Variants in OSBPL6 observed in about 807,000 individuals in gnomAD.
OSBPL6 encodes the protein oxysterol-binding protein-related protein 6.
OSBPL6 carries 49 observed loss-of-function variants against 125.8 expected under a neutral mutation model. The observed-to-expected ratio is 0.39, with a 90% CI of 0.31 to 0.49. The LOEUF (loss-of-function observed/expected upper bound fraction) is 0.49, where lower values mean the gene tolerates loss of function less well. Ranked by LOEUF, OSBPL6 falls within the 20% of genes least tolerant of loss-of-function variation. The probability of loss-of-function intolerance (pLI) is 0.88; values close to 1 mark genes in which losing one functional copy is unlikely to be tolerated. For missense variants in OSBPL6, 986 were observed against 1,135.4 expected (o/e 0.87, Z 1.89); for synonymous variants, 394 against 391.8 (o/e 1.01, Z -0.07).
chr2:178,379,241 G>C (rs1694181265), intron 15 of OSBPL6, among the ~76,000 whole-genome samples: 1 of 148,730 alleles, frequency 6.7e-6, no homozygotes, highest in Admixed American at 6.8e-5. Flanking sequence ...GAAAGAAAGA[G>C]AGAGAGAGAG....
chr2:178,238,571 A>T (rs2153986976), intron 1 of OSBPL6, among the ~76,000 whole-genome samples: 1 of 152,356 alleles, frequency 6.6e-6, no homozygotes, highest in Non-Finnish European at 1.5e-5. Flanking sequence ...AGCTGTGGTA[A>T]GAACGAATCT....
intron 2 of OSBPL6, among the ~76,000 whole-genome samples, chr2:178,299,709 A>C (rs1686105853): frequency 6.6e-6 from 1 of 152,232 alleles, no homozygotes; most frequent in South Asian, 2.1e-4. Flanking sequence ...GAGAGTAATA[A>C]GTGTTTTACA....
intron 4 of OSBPL6, among the ~76,000 whole-genome samples, chr2:178,325,652 AC>A (rs1688637576): frequency 6.6e-6 from 1 of 152,242 alleles, no homozygotes; most frequent in Non-Finnish European, 1.5e-5. Flanking sequence ...TTGAGCACCT[AC>A]TTTACGCCAG....
intron 1 of OSBPL6, among the ~76,000 whole-genome samples, chr2:178,197,696 T>C (rs2088987194): frequency 6.6e-6 from 1 of 152,194 alleles, no homozygotes; most frequent in African/African-American, 2.4e-5. Flanking sequence ...TTTCAAATTA[T>C]CTTATTACAC....
At chr2:178,259,306 G>A (rs945116464) in intron 1 of OSBPL6, among the ~76,000 whole-genome samples, 8 of 152,200 alleles carry the variant, frequency 5.3e-5, no homozygotes, top group Non-Finnish European at 8.8e-5. Flanking sequence ...ATCAAATTCC[G>A]TTTGAGATTG....
intron 13 of OSBPL6, among the ~76,000 whole-genome samples, chr2:178,366,334 CTGT>C (rs1269413159): frequency 2.6e-5 from 4 of 152,194 alleles, no homozygotes; most frequent in Non-Finnish European, 4.4e-5. Context: ...CATTTTATCA[CTGT>C]TATTAGTTTG....
intron 3 of OSBPL6, among the ~76,000 whole-genome samples, chr2:178,322,679 G>C (rs73032548): frequency 6.6e-6 from 1 of 151,946 alleles, no homozygotes; most frequent in Admixed American, 6.6e-5. Flanking sequence ...TAAATAGTGA[G>C]GGAGAAACTT....
At chr2:178,374,447 T>C (rs992504217) in intron 15 of OSBPL6, among the ~76,000 whole-genome samples, 1 of 152,206 alleles carries the variant, frequency 6.6e-6, no homozygotes, top group Non-Finnish European at 1.5e-5. Flanking sequence ...GGGACATGAA[T>C]TTAAACTTGG....
At chr2:178,330,022 A>G (rs936615877) in intron 5 of OSBPL6, among the ~76,000 whole-genome samples, 1 of 152,160 alleles carries the variant, frequency 6.6e-6, no homozygotes, top group Admixed American at 6.5e-5. Context: ...TCCTGAACCC[A>G]TAATATTATC....
At position 178,387,050 on chromosome 2, in the gene OSBPL6, A is replaced by G. The variant is rs371246112; in HGVS notation, c.2078-11A>G. On this transcript the variant is annotated splice_polypyrimidine_tract_variant and intron_variant, in intron 19 of 24. Transcript: ENST00000190611. ...GGTATGTATTTCTTGTCCTCTCCCTATGTCATTTAGATATCAGATGGAAAA... is the reference window on the plus strand; with the variant it reads ...GGTATGTATTTCTTGTCCTCTCCCTGTGTCATTTAGATATCAGATGGAAAA... 5.7e-6 allele frequency: 9 copies of G among 1,573,898 alleles called. No individual in the cohort carries two copies. Among genetic ancestry groups the G allele is most frequent in the Middle Eastern group, 1.7e-4 (1 of 5,984 alleles).
intron 2 of OSBPL6, among the ~76,000 whole-genome samples, chr2:178,300,040 A>G (rs1686139262): frequency 6.6e-6 from 1 of 152,246 alleles, no homozygotes; most frequent in South Asian, 2.1e-4. Flanking sequence ...CCCAAACACT[A>G]GCTTCAAACA....
Position 178,339,073 on chromosome 2 carries a change from A to C in OSBPL6, c.873A>C (p.Ala291=), listed in dbSNP as rs141584653. ...NLEILQRTQS[A]PNFTDMQANC... is the part of the protein sequence containing the mutation. ...AAATACTTCAGAGAACTCAGTCGGC[A>C]CCTAACTTTACTGACATGCAGGTAA... The change falls in exon 10 of 25, where the codon GCA becomes GCC. Residue 291 remains alanine, a synonymous_variant. Coordinates refer to ENST00000190611, the MANE Select transcript of OSBPL6 (RefSeq NM_032523.4). 2 of 1,607,950 alleles carry C rather than the reference A, an allele frequency of 1.2e-6. No homozygotes were observed. The highest frequency in any genetic ancestry group is 1.7e-6 in the Non-Finnish European group (2 of 1,175,014).
chr2:178,284,999 C>T lies in OSBPL6; in HGVS notation c.-278C>T. 4 of 398,490 alleles carry T rather than the reference C, an allele frequency of 1.0e-5. No homozygotes were observed. Among genetic ancestry groups the T allele is most frequent in the Middle Eastern group, 6.3e-4 (1 of 1,588 alleles). The allele number at this position is 398,490 out of a possible 1,614,324, so 24.7% of individuals were successfully genotyped here. On this transcript the variant is annotated 5_prime_UTR_variant, in exon 2 of 25. Coordinates refer to ENST00000190611, the MANE Select transcript of OSBPL6 (RefSeq NM_032523.4). ...CACCCCTATAATTTACCCAGATAGCCCCAGCAAGGTCAAAGACATATCATG... is the reference window on the plus strand; with the variant it reads ...CACCCCTATAATTTACCCAGATAGCTCCAGCAAGGTCAAAGACATATCATG...
intron 3 of OSBPL6, among the ~76,000 whole-genome samples, chr2:178,310,560 G>A (rs1263986020): frequency 6.6e-6 from 1 of 151,832 alleles, no homozygotes; most frequent in Non-Finnish European, 1.5e-5. Context: ...TGGGACTACA[G>A]GTGCCCGCCA....
chr2:178,385,368 T>C (rs553771186), intron 18 of OSBPL6, 90 bp from the exon 19 acceptor site: 6 of 913,724 alleles, frequency 6.6e-6, no homozygotes, highest in East Asian at 4.9e-5. Context: ...GATTTACTTA[T>C]ACATTTTGAG....
chr2:178,308,651 T>C (rs7576995), intron 3 of OSBPL6, among the ~76,000 whole-genome samples: 6,576 of 152,286 alleles, frequency 0.043, 310 homozygotes, highest in East Asian at 0.18. Context: ...TAAATCAATA[T>C]GTATAAACCA....
chr2:178,373,124 A>G (rs762263544), intron 14 of OSBPL6, among the ~76,000 whole-genome samples: 3 of 152,208 alleles, frequency 2.0e-5, no homozygotes, highest in Admixed American at 6.5e-5. Flanking sequence ...TTATCCCAGG[A>G]CAACTTGTCT....
chr2:178,199,457 A>G (rs373013267), intron 1 of OSBPL6, among the ~76,000 whole-genome samples: 209 of 151,940 alleles, frequency 1.4e-3, no homozygotes, highest in African/African-American at 4.5e-3. Flanking sequence ...GACTGATTTT[A>G]TTGCTTAGGT....
chr2:178,371,480 G>A (rs1693378730), intron 13 of OSBPL6, among the ~76,000 whole-genome samples: 1 of 152,108 alleles, frequency 6.6e-6, no homozygotes, highest in African/African-American at 2.4e-5. Context: ...TTAGAGCTGG[G>A]GTACTTTCAG....
Sources: gnomAD v4.1 joint callset for allele counts (sites outside exome capture counted in the v4.1 genomes callset) on GRCh38, gnomAD v4.1.1 for gene constraint, MANE v1.5 for transcripts, NCBI Gene and HGNC (gene_info 2026-07-23, HGNC 2026-07-21) for gene names.